Variants in ESYT2 observed in about 807,000 individuals in gnomAD.
ESYT2 encodes the protein extended synaptotagmin-2.
In ESYT2, 54 loss-of-function variants were observed where a neutral mutation model predicts 107.2. The ratio of observed to expected loss-of-function variants is 0.50; its 90% confidence interval spans 0.40 to 0.63. ESYT2 has a LOEUF of 0.63. Ranked by LOEUF, ESYT2 falls within the 30% of genes least tolerant of loss-of-function variation. The pLI is 0.00. For missense variants in ESYT2, 1,020 were observed against 1,094.5 expected, an observed-to-expected ratio of 0.93 and a Z score of 0.96; for synonymous variants, 491 against 434.1, an observed-to-expected ratio of 1.13 and a Z score of -1.63.
At position 158,788,326 on chromosome 7, in the gene ESYT2, AAAAAAAC is replaced by A; in HGVS notation, c.657+12_657+18del. On this transcript the variant is annotated intron_variant, in intron 5 of 22. Coordinates refer to ENST00000275418, the MANE Select transcript of ESYT2 (RefSeq NM_001367773.1). The stretch of plus-strand genomic sequence containing the variant: ...CTTTAGAAAACTGTCAAATTAAAAC[AAAAAAAC>A]AAAAAACTTACCTGGATACTTTTCA... 6.3e-7 allele frequency: 1 copy of A among 1,589,924 alleles called. No homozygotes were observed. The highest frequency in any genetic ancestry group is 1.2e-5 in the South Asian group (1 of 85,894).
intron 1 of ESYT2, among the ~76,000 whole-genome samples, chr7:158,819,123 G>A (rs1840223266): frequency 6.6e-6 from 1 of 152,240 alleles, no homozygotes; most frequent in South Asian, 2.1e-4. Flanking sequence ...ATCTGAAGTT[G>A]TGACTCATTA....
At chr7:158,738,983 C>T (rs772153860) in intron 19 of ESYT2, 40 bp downstream of exon 19, 2 of 1,585,136 alleles carry the variant, frequency 1.3e-6, no homozygotes, top group East Asian at 4.5e-5. Flanking sequence ...CATCCACACT[C>T]AGCAGCACAG....
Position 158,829,311 on chromosome 7 carries a change from C to G in ESYT2, c.108G>C (p.Leu36=). 6.7e-7 allele frequency: 1 copy of G among 1,501,744 alleles called. No homozygotes were observed. 93.0% of individuals were successfully genotyped at this position (1,501,744 alleles called of 1,614,324 possible). The change falls in exon 1 of 23, where the codon CTG becomes CTC. Residue 36 remains leucine (L), a synonymous_variant. Coordinates refer to ENST00000275418, the MANE Select transcript of ESYT2 (RefSeq NM_001367773.1). Reference sequence around the variant, plus strand: ...CGAAGCTCCGCGCCAGCTGCGCCAGCAGCCCGGGCAGCTCCACGCTCAGCA... The same window carrying G: ...CGAAGCTCCGCGCCAGCTGCGCCAGGAGCCCGGGCAGCTCCACGCTCAGCA... ...GGVLSVELPG[L]LAQLARSFAL... is the part of the protein sequence containing the mutation.
intron 1 of ESYT2, among the ~76,000 whole-genome samples, chr7:158,828,388 G>T (rs141128637): frequency 6.6e-6 from 1 of 152,272 alleles, no homozygotes; most frequent in Non-Finnish European, 1.5e-5. Flanking sequence ...GAGCAGAACC[G>T]GCCGCTCAGG....
intron 8 of ESYT2, among the ~76,000 whole-genome samples, chr7:158,765,384 CTTATT>C (rs892562398): frequency 5.9e-5 from 9 of 152,286 alleles, no homozygotes; most frequent in African/African-American, 1.9e-4. Context: ...TGTCATTAAA[CTTATT>C]TTAGAGAGGA....
At chr7:158,745,550 C>T (rs1837373498) in intron 16 of ESYT2, among the ~76,000 whole-genome samples, 1 of 152,160 alleles carries the variant, frequency 6.6e-6, no homozygotes, top group Non-Finnish European at 1.5e-5. Context: ...AGGCACACAG[C>T]CTACAGGTGC....
rs1292846620 is a variant in ESYT2 at position 158,734,567 on chromosome 7, T to G, written c.2506-96A>C. The stretch of plus-strand genomic sequence containing the variant: ...ACTTTGGGAGGCCAAGATGGGAGGA[T>G]CTCTTAAGCCCAAGAGTTTGAGACC... On this transcript the variant is annotated intron_variant, in intron 21 of 22. Transcript: ENST00000275418. 6.2e-6 allele frequency: 7 copies of G among 1,132,532 alleles called. No homozygotes were observed. The African/African-American group carries it at 1.1e-4, about 17-fold the overall frequency. The allele number at this position is 1,132,532 out of a possible 1,614,324, so 70.2% of individuals were successfully genotyped here.
At chr7:158,789,966 G>A (rs535009097) in intron 4 of ESYT2, among the ~76,000 whole-genome samples, 27 of 152,256 alleles carry the variant, frequency 1.8e-4, no homozygotes, top group African/African-American at 6.3e-4. Context: ...CTCGGTGCTG[G>A]GGACACTGGA....
chr7:158,763,044 C>T (rs1838027967), intron 10 of ESYT2, 39 bp downstream of exon 10: 1 of 1,464,836 alleles, frequency 6.8e-7, no homozygotes, highest in Non-Finnish European at 9.5e-7. Context: ...AAGACTGACC[C>T]CATGCCCTCC....
Position 158,733,239 on chromosome 7 carries a change from C to T in ESYT2, c.*968G>A, listed in dbSNP as rs1415177180. 2.0e-5 allele frequency: 3 copies of T among 152,240 alleles called. No individual in the cohort carries two copies. Among genetic ancestry groups the T allele is most frequent in the African/African-American group, 7.2e-5 (3 of 41,452 alleles). The allele number at this position is 152,240 out of a possible 1,614,324, so 9.4% of individuals were successfully genotyped here. A position where few individuals can be genotyped will look rare whatever the true frequency, so the allele number is the denominator to read the frequency against. ...AATTTTTAATGCAATATCCTGTCTA[C>T]TCACTCCAATCTACCTCACAACCTT... On this transcript the variant is annotated 3_prime_UTR_variant, in exon 23 of 23. Coordinates refer to ENST00000275418, the MANE Select transcript of ESYT2 (RefSeq NM_001367773.1).
intron 1 of ESYT2, among the ~76,000 whole-genome samples, chr7:158,803,081 G>A (rs1839691186): frequency 6.6e-6 from 1 of 152,158 alleles, no homozygotes; most frequent in Admixed American, 6.5e-5. Context: ...GGGGAAGGAA[G>A]AAGGAATCTG....
chr7:158,770,746 A>T (rs982038130), intron 7 of ESYT2, among the ~76,000 whole-genome samples: 1 of 151,924 alleles, frequency 6.6e-6, no homozygotes. Flanking sequence ...CGATCTCCTG[A>T]CCTCATGATC....
At chr7:158,740,244 G>A (rs951421941) in intron 18 of ESYT2, among the ~76,000 whole-genome samples, 1 of 152,330 alleles carries the variant, frequency 6.6e-6, no homozygotes, top group African/African-American at 2.4e-5. Context: ...CTGAGGACGC[G>A]TGCTCCGCAC....
chr7:158,741,916 T>TA lies in ESYT2; in HGVS notation c.1795-21dup, dbSNP rs749943868. ...GAGCACCTAGAGGTGGACATAAACA[T>TA]AAAAATTAAACTTGGTGACACTGGT... On this transcript the variant is annotated intron_variant, in intron 17 of 22. Transcript: ENST00000275418. 5.2e-6 allele frequency: 8 copies of TA among 1,550,102 alleles called. No individual in the cohort carries two copies. Among genetic ancestry groups the TA allele is most frequent in the African/African-American group, 1.4e-5 (1 of 72,728 alleles).
At chr7:158,810,899 A>G (rs1235609065) in intron 1 of ESYT2, among the ~76,000 whole-genome samples, 1 of 152,050 alleles carries the variant, frequency 6.6e-6, no homozygotes, top group East Asian at 1.9e-4. Context: ...GATTTCGGTG[A>G]TGGTTGCACA....
At chr7:158,773,783 G>C (rs1324984006) in intron 6 of ESYT2, among the ~76,000 whole-genome samples, 14 of 152,076 alleles carry the variant, frequency 9.2e-5, no homozygotes, top group African/African-American at 3.4e-4. Context: ...GGGGTCAAAG[G>C]CTTATGTTCA....
rs1345354570 is a variant in ESYT2, at chr7:158,733,303, G to A, written c.*904C>T. The A allele has an allele frequency of 6.6e-6, 1 of 152,124 alleles. No homozygotes were observed. Among genetic ancestry groups the A allele is most frequent in the Non-Finnish European group, 1.5e-5 (1 of 68,016 alleles). 9.4% of individuals were successfully genotyped at this position (152,124 alleles called of 1,614,324 possible). ...TGTACCTTCCTTTTTTTATAGGCTG[G>A]GAAAACATTGAAAATTAACAAAGCT... On this transcript the variant is annotated 3_prime_UTR_variant, in exon 23 of 23. Transcript: ENST00000275418.
At position 158,739,242 on chromosome 7, in the gene ESYT2, C is replaced by T. The variant is rs901422974; in HGVS notation, c.2169-121G>A. 1.6e-5 allele frequency: 12 copies of T among 773,638 alleles called. No homozygotes were observed. In the East Asian group the frequency reaches 2.6e-4, roughly 17 times the overall value. 47.9% of individuals were successfully genotyped at this position (773,638 alleles called of 1,614,324 possible). A position where few individuals can be genotyped will look rare whatever the true frequency, so the allele number is the denominator to read the frequency against. ...TTTAGACAAAAAGAAGTCAAATTACCCATGAACTTAAACATAATTTGAAAC... is the reference window on the plus strand; with the variant it reads ...TTTAGACAAAAAGAAGTCAAATTACTCATGAACTTAAACATAATTTGAAAC... On this transcript the variant is annotated intron_variant, in intron 18 of 22. Coordinates refer to ENST00000275418, the MANE Select transcript of ESYT2 (RefSeq NM_001367773.1).
At chr7:158,753,552 T>C (rs1208787814) in intron 13 of ESYT2, among the ~76,000 whole-genome samples, 1 of 152,176 alleles carries the variant, frequency 6.6e-6, no homozygotes, top group East Asian at 1.9e-4. Flanking sequence ...TTTATCATTT[T>C]AGTTGTAATT....
Sources: allele counts gnomAD v4.1 joint callset (sites outside exome capture counted in the v4.1 genomes callset), GRCh38; gene constraint gnomAD v4.1.1; transcripts MANE v1.5; gene names NCBI Gene and HGNC (gene_info 2026-07-23, HGNC 2026-07-21).